Variants in CFAP300 observed in about 807,000 individuals in gnomAD.
The protein encoded by CFAP300 is cilia and flagella associated protein 300.
In CFAP300, 32 loss-of-function variants were observed where a neutral mutation model predicts 33.0. The ratio of observed to expected loss-of-function variants is 0.97; its 90% CI spans 0.73 to 1.30. The LOEUF is 1.30. CFAP300 is among the 50% of genes most tolerant of loss of function. The pLI is 0.00. For synonymous variants in CFAP300, 102 were observed against 106.8 expected (o/e 0.95, Z 0.28); for missense variants, 356 against 318.1 (o/e 1.12, Z -0.90).
intron 3 of CFAP300, among the ~76,000 whole-genome samples, chr11:102,061,068 T>C (rs1942143810): frequency 6.6e-6 from 1 of 152,212 alleles, no homozygotes; most frequent in African/African-American, 2.4e-5. Flanking sequence ...TCTCCCCATG[T>C]TAGTACATAC....
intron 3 of CFAP300, among the ~76,000 whole-genome samples, chr11:102,065,291 C>T (rs1303196600): frequency 6.6e-6 from 1 of 151,914 alleles, no homozygotes; most frequent in Non-Finnish European, 1.5e-5. Context: ...CCATGTTATC[C>T]AGGCTGGTCT....
chr11:102,049,478 C>G (rs1324686072), intron 2 of CFAP300, among the ~76,000 whole-genome samples: 1 of 152,132 alleles, frequency 6.6e-6, no homozygotes, highest in African/African-American at 2.4e-5. Flanking sequence ...TTTGGGGGGA[C>G]ACTATCAACC....
intron 3 of CFAP300, among the ~76,000 whole-genome samples, chr11:102,059,281 ATGTGTGTGTG>A (rs55657614): frequency 1.2e-3 from 171 of 148,670 alleles, no homozygotes; most frequent in Middle Eastern, 3.5e-3. Context: ...ATATGTTAAA[ATGTGTGTGTG>A]TGTGTGTGTG....
intron 3 of CFAP300, among the ~76,000 whole-genome samples, chr11:102,064,609 C>T (rs1035471003): frequency 2.0e-5 from 3 of 152,142 alleles, no homozygotes; most frequent in Non-Finnish European, 4.4e-5. Context: ...AAACATTCAC[C>T]AGCATTACTT....
At chr11:102,078,762 G>T (rs1016973064) in intron 5 of CFAP300, among the ~76,000 whole-genome samples, 1 of 152,046 alleles carries the variant, frequency 6.6e-6, no homozygotes, top group African/African-American at 2.4e-5. Flanking sequence ...AGGCTGGAAT[G>T]CAGTGGTGCA....
At chr11:102,051,455 C>T (rs185104041) in intron 2 of CFAP300, among the ~76,000 whole-genome samples, 25 of 152,234 alleles carry the variant, frequency 1.6e-4, no homozygotes, top group East Asian at 1.5e-3. Context: ...AGGCCTCCCA[C>T]ATCCCAGGGA....
At position 102,083,012 on chromosome 11, in the gene CFAP300, T is replaced by C. The variant is rs889047207; in HGVS notation, c.676-59T>C. On this transcript the variant is annotated intron_variant, in intron 6 of 6. Coordinates refer to ENST00000434758, the MANE Select transcript of CFAP300 (RefSeq NM_032930.3). ...ACTCTGTCTCAAAAAATAATAATAATAAATATATAAATACATAAATAAAAT... is the reference window on the plus strand; with the variant it reads ...ACTCTGTCTCAAAAAATAATAATAACAAATATATAAATACATAAATAAAAT... 6.5e-6 allele frequency: 6 copies of C among 930,190 alleles called. No individual in the cohort carries two copies. The East Asian group carries it at 3.2e-4, about 49-fold the overall frequency. 57.6% of individuals were successfully genotyped at this position (930,190 alleles called of 1,614,324 possible).
intron 5 of CFAP300, among the ~76,000 whole-genome samples, chr11:102,080,357 A>C (rs983036379): frequency 6.6e-6 from 1 of 152,168 alleles, no homozygotes; most frequent in African/African-American, 2.4e-5. Context: ...TTTTAATATG[A>C]TATAACTTAG....
At chr11:102,060,685 T>C (rs1030206025) in intron 3 of CFAP300, among the ~76,000 whole-genome samples, 7 of 152,184 alleles carry the variant, frequency 4.6e-5, no homozygotes, top group Non-Finnish European at 1.0e-4. Flanking sequence ...TGATTGGTGA[T>C]ATGGATTTAT....
chr11:102,072,620 T>A (rs1482931482), intron 4 of CFAP300, among the ~76,000 whole-genome samples: 1 of 152,122 alleles, frequency 6.6e-6, no homozygotes, highest in Non-Finnish European at 1.5e-5. Flanking sequence ...TATTTTGAAT[T>A]TTTTTCTTAT....
At chr11:102,063,530 G>T (rs1942181851) in intron 3 of CFAP300, among the ~76,000 whole-genome samples, 1 of 152,190 alleles carries the variant, frequency 6.6e-6, no homozygotes, top group African/African-American at 2.4e-5. Flanking sequence ...ATACTGGAAT[G>T]AGTGAAAATT....
At chr11:102,052,274 A>G (rs1006287830) in intron 2 of CFAP300, among the ~76,000 whole-genome samples, 3 of 152,198 alleles carry the variant, frequency 2.0e-5, no homozygotes, top group Admixed American at 1.3e-4. Context: ...TCTGAATTAA[A>G]TTTTCTTTTT....
chr11:102,058,881 C>CT lies in CFAP300; in HGVS notation c.200dup (p.Lys68GlnfsTer25). 1.3e-6 allele frequency: 2 copies of CT among 1,562,402 alleles called. No homozygotes were observed. The highest frequency in any genetic ancestry group is 1.2e-5 in the South Asian group (1 of 81,376). On this transcript the variant is annotated frameshift_variant and splice_region_variant, in exon 3 of 7. Transcript: ENST00000434758. LOFTEE classifies it high-confidence loss of function. Reference sequence around the variant, plus strand: ...ATTCCCCTCAAATTTGTATTTTAGGCTTTTTTCAAAGACCCAAATGTTATT... The same window carrying CT: ...ATTCCCCTCAAATTTGTATTTTAGGCTTTTTTTCAAAGACCCAAATGTTATT...
chr11:102,054,296 A>G (rs766986788), intron 2 of CFAP300, among the ~76,000 whole-genome samples: 1 of 152,234 alleles, frequency 6.6e-6, no homozygotes, highest in Non-Finnish European at 1.5e-5. Context: ...TGTAGTATAC[A>G]TGGCATGTTA....
intron 5 of CFAP300, 122 bp downstream of exon 5, chr11:102,076,167 C>T (rs1942392434): frequency 8.9e-7 from 1 of 1,123,070 alleles, no homozygotes. Flanking sequence ...ATATAAAAAG[C>T]TCTACCCTTA....
intron 5 of CFAP300, 80 bp downstream of exon 5, chr11:102,076,125 C>T (rs944462401): frequency 2.8e-6 from 4 of 1,445,394 alleles, no homozygotes; most frequent in Non-Finnish European, 2.8e-6. Context: ...AATTACACAA[C>T]ATCATTCAGT....
chr11:102,066,166 G>A (rs1391272977), intron 3 of CFAP300, among the ~76,000 whole-genome samples: 2 of 151,874 alleles, frequency 1.3e-5, no homozygotes, highest in Admixed American at 6.6e-5. Context: ...GTAGAGACGA[G>A]GTTTCGCCAT....
At chr11:102,050,046 T>C (rs977254230) in intron 2 of CFAP300, among the ~76,000 whole-genome samples, 2 of 152,106 alleles carry the variant, frequency 1.3e-5, no homozygotes, top group African/African-American at 4.8e-5. Flanking sequence ...TCCTAGCTAC[T>C]TGCGGGGCTG....
In CFAP300 at chr11:102,047,880, A is replaced by G. The variant is rs373885833; in HGVS notation, c.176A>G (p.Lys59Arg). 2 of 1,614,184 alleles carry G rather than the reference A, an allele frequency of 1.2e-6. No individual in the cohort carries two copies. The highest frequency in any genetic ancestry group is 1.7e-4 in the Middle Eastern group (1 of 6,060). Residue 59 changes from lysine to arginine, a missense_variant, in exon 2 of 7, where the codon AAG becomes AGG. Transcript: ENST00000434758. Reference sequence around the variant, plus strand: ...GACCAGACCTTTCAGTCCTATCGGAAGGATGATTTCGTTATGGTTAGTATG... The same window carrying G: ...GACCAGACCTTTCAGTCCTATCGGAGGGATGATTTCGTTATGGTTAGTATG... ...GFDQTFQSYR[K>R]DDFVMAFFKD... is the part of the protein sequence containing the mutation.
Sources: allele counts gnomAD v4.1 joint callset (sites outside exome capture counted in the v4.1 genomes callset), GRCh38; gene constraint gnomAD v4.1.1; transcripts MANE v1.5; gene names NCBI Gene and HGNC (gene_info 2026-07-23, HGNC 2026-07-21).